Variants in RBPMS observed in about 807,000 individuals in gnomAD.
The protein encoded by RBPMS is RNA binding protein, mRNA processing factor, also known as RNA-binding protein with multiple splicing.
A neutral mutation model predicts 26.8 loss-of-function variants in RBPMS; 7 were observed. That is an observed-to-expected ratio of 0.26 (90% confidence interval 0.15 to 0.49). The LOEUF (loss-of-function observed/expected upper bound fraction) is 0.49. RBPMS is among the 20% of genes least tolerant of loss of function. The pLI, the probability that RBPMS is intolerant of heterozygous loss-of-function variation, is 0.98. For synonymous variants in RBPMS, 96 were observed against 93.3 expected (o/e 1.03, Z -0.17); for missense variants, 186 against 250.0 (o/e 0.74, Z 1.73).
At chr8:30,539,619 T>G (rs1825162280) in intron 5 of RBPMS, among the ~76,000 whole-genome samples, 1 of 150,360 alleles carries the variant, frequency 6.7e-6, no homozygotes, top group Admixed American at 6.6e-5. Context: ...AATCTTTTTT[T>G]TAAAAAATCT....
At chr8:30,463,559 G>T (rs911447115) in intron 1 of RBPMS, among the ~76,000 whole-genome samples, 3 of 152,172 alleles carry the variant, frequency 2.0e-5, no homozygotes, top group African/African-American at 7.2e-5. Flanking sequence ...CTTTTTTGAT[G>T]CAGTCTTAGA....
intron 5 of RBPMS, among the ~76,000 whole-genome samples, chr8:30,527,281 T>C (rs1182172686): frequency 6.6e-6 from 1 of 152,178 alleles, no homozygotes; most frequent in African/African-American, 2.4e-5. Flanking sequence ...TGGAAGCTGG[T>C]GTGAGCATCC....
intron 1 of RBPMS, among the ~76,000 whole-genome samples, chr8:30,417,954 T>C (rs1810293038): frequency 6.6e-6 from 1 of 152,226 alleles, no homozygotes; most frequent in Non-Finnish European, 1.5e-5. Flanking sequence ...GTTGGTATAG[T>C]TGATATGTGT....
intron 5 of RBPMS, among the ~76,000 whole-genome samples, chr8:30,525,891 C>T (rs1423725223): frequency 6.6e-6 from 1 of 152,254 alleles, no homozygotes. Context: ...CTCTTGAATT[C>T]TCCTCTGAAT....
At chr8:30,547,848 C>T (rs766086576) in intron 6 of RBPMS, among the ~76,000 whole-genome samples, 1 of 152,144 alleles carries the variant, frequency 6.6e-6, no homozygotes, top group Non-Finnish European at 1.5e-5. Context: ...GTCTGCCCAC[C>T]GGGATCCACA....
chr8:30,566,259 C>T lies in RBPMS; in HGVS notation c.*10C>T. ...CGGGTGATCTTTCTCCATCCCAGGTCCCAGGTGTGTGATGGCGGCTGCAAT... is the reference window on the plus strand; with the variant it reads ...CGGGTGATCTTTCTCCATCCCAGGTTCCAGGTGTGTGATGGCGGCTGCAAT... On this transcript the variant is annotated splice_region_variant and 3_prime_UTR_variant, in exon 8 of 9. Transcript: ENST00000397323. 5.1e-6 allele frequency: 5 copies of T among 985,976 alleles called. No individual in the cohort carries two copies. Among genetic ancestry groups the T allele is most frequent in the Non-Finnish European group, 6.0e-6 (5 of 830,012 alleles). 61.1% of individuals were successfully genotyped at this position (985,976 alleles called of 1,614,324 possible). A position where few individuals can be genotyped will look rare whatever the true frequency, so the allele number is the denominator to read the frequency against.
chr8:30,466,548 T>A (rs149317750), intron 1 of RBPMS, among the ~76,000 whole-genome samples: 2 of 151,864 alleles, frequency 1.3e-5, no homozygotes, highest in East Asian at 1.9e-4. Flanking sequence ...AACCTGGGAG[T>A]CCATAACAAC....
At chr8:30,500,650 G>A (rs1357956989) in intron 4 of RBPMS, among the ~76,000 whole-genome samples, 1 of 152,092 alleles carries the variant, frequency 6.6e-6, no homozygotes, top group African/African-American at 2.4e-5. Context: ...AGGCTGTTAC[G>A]GTGACTCAGC....
intron 5 of RBPMS, among the ~76,000 whole-genome samples, chr8:30,539,562 GTCAT>G (rs1825156435): frequency 6.7e-6 from 1 of 149,686 alleles, no homozygotes; most frequent in South Asian, 2.1e-4. Context: ...ATATTTTTTC[GTCAT>G]TCATTTTCTC....
intron 1 of RBPMS, among the ~76,000 whole-genome samples, chr8:30,411,083 C>T (rs1033817428): frequency 6.6e-6 from 1 of 152,130 alleles, no homozygotes; most frequent in African/African-American, 2.4e-5. Flanking sequence ...TTAATCCTCT[C>T]CAGACTGTAA....
intron 5 of RBPMS, among the ~76,000 whole-genome samples, chr8:30,543,092 C>T (rs908189879): frequency 3.3e-5 from 5 of 152,124 alleles, no homozygotes; most frequent in Admixed American, 3.3e-4. Context: ...GTCAGGAAGG[C>T]CAACCAGCAA....
At chr8:30,548,047 C>T (rs1223052216) in intron 6 of RBPMS, among the ~76,000 whole-genome samples, 1 of 152,220 alleles carries the variant, frequency 6.6e-6, no homozygotes, top group Non-Finnish European at 1.5e-5. Context: ...AGCCTCAGTA[C>T]TGACTTAATG....
chr8:30,461,456 C>T (rs1037928592), intron 1 of RBPMS, among the ~76,000 whole-genome samples: 4 of 152,072 alleles, frequency 2.6e-5, no homozygotes, highest in Non-Finnish European at 5.9e-5. Flanking sequence ...GTTCAGTGGC[C>T]CAATCTCGGC....
At chr8:30,515,709 G>T (rs1025878577) in intron 5 of RBPMS, among the ~76,000 whole-genome samples, 1 of 152,048 alleles carries the variant, frequency 6.6e-6, no homozygotes, top group African/African-American at 2.4e-5. Context: ...AGGCTAGAGT[G>T]CAGTGATGCC....
At chr8:30,452,159 A>G (rs1814663691) in intron 1 of RBPMS, among the ~76,000 whole-genome samples, 1 of 152,218 alleles carries the variant, frequency 6.6e-6, no homozygotes, top group African/African-American at 2.4e-5. Flanking sequence ...TGTAAGAAGA[A>G]GGTGATGATC....
intron 1 of RBPMS, among the ~76,000 whole-genome samples, chr8:30,421,880 G>A (rs1211838584): frequency 1.3e-5 from 2 of 151,918 alleles, no homozygotes; most frequent in Non-Finnish European, 2.9e-5. Flanking sequence ...GCTTGAACCC[G>A]GGAGGCGGAG....
chr8:30,543,725 T>A (rs1185089822), intron 5 of RBPMS, among the ~76,000 whole-genome samples: 1 of 152,172 alleles, frequency 6.6e-6, no homozygotes, highest in African/African-American at 2.4e-5. Flanking sequence ...TGCCCTTCAA[T>A]CTGGCCAACT....
chr8:30,556,315 C>T lies in RBPMS; in HGVS notation c.529-2572C>T, dbSNP rs1406231311. On this transcript the variant is annotated intron_variant, in intron 6 of 8. Transcript: ENST00000397323. ...CATGTCACTCTGGAGTGCGCCTCGA[C>T]CAGGCTGACGAGAGCCTGAAGACGG... 1.4e-5 allele frequency: 14 copies of T among 985,718 alleles called. No individual in the cohort carries two copies. In the East Asian group the frequency reaches 7.9e-4, roughly 56 times the overall value. The allele number at this position is 985,718 out of a possible 1,614,324, so 61.1% of individuals were successfully genotyped here. A position where few individuals can be genotyped will look rare whatever the true frequency, so the allele number is the denominator to read the frequency against.
chr8:30,543,035 A>G (rs1245446325), intron 5 of RBPMS, among the ~76,000 whole-genome samples: 1 of 152,106 alleles, frequency 6.6e-6, no homozygotes, highest in Non-Finnish European at 1.5e-5. Flanking sequence ...TTCTATCACC[A>G]AGTCCTGAGG....
Sources: gnomAD v4.1 joint callset for allele counts (sites outside exome capture counted in the v4.1 genomes callset) on GRCh38, gnomAD v4.1.1 for gene constraint, MANE v1.5 for transcripts, NCBI Gene and HGNC (gene_info 2026-07-23, HGNC 2026-07-21) for gene names.